IL1RAPL1: variants seen among roughly 807,000 people sequenced by gnomAD.
IL1RAPL1 encodes the protein interleukin-1 receptor accessory protein-like 1.
In IL1RAPL1, 3 loss-of-function variants were observed where a neutral mutation model predicts 48.4. The observed-to-expected ratio is 0.06, with a 90% CI of 0.03 to 0.16. The LOEUF is 0.16. IL1RAPL1 is among the 10% of genes least tolerant of loss of function. IL1RAPL1 has a pLI of 1.00. For synonymous variants in IL1RAPL1, 185 were observed against 187.7 expected, an observed-to-expected ratio of 0.99 and a Z score of 0.12; for missense variants, 349 against 530.6, an observed-to-expected ratio of 0.66 and a Z score of 3.36.
chrX:29,148,622 C>T (rs777902384), intron 2 of IL1RAPL1, among the ~76,000 whole-genome samples: 2 of 112,000 alleles, frequency 1.8e-5, no homozygotes, highest in African/African-American at 6.5e-5. Flanking sequence ...CTTTTACTCT[C>T]TTAGCAAGAT....
intron 6 of IL1RAPL1, among the ~76,000 whole-genome samples, chrX:29,801,042 T>G (rs892934756): frequency 2.3e-3 from 2 of 876 alleles, no homozygotes; most frequent in African/African-American, 4.1e-3. Flanking sequence ...AAACTCTCCG[T>G]CTCAAAAAAA....
chrX:29,575,286 C>G (rs962245503), intron 5 of IL1RAPL1, among the ~76,000 whole-genome samples: 1 of 111,539 alleles, frequency 9.0e-6, no homozygotes, highest in Non-Finnish European at 1.9e-5. Context: ...CACATGAACC[C>G]AAGTCAAAGT....
chrX:29,558,357 C>A (rs1465068313), intron 5 of IL1RAPL1, among the ~76,000 whole-genome samples: 3 of 111,766 alleles, frequency 2.7e-5, no homozygotes, highest in Non-Finnish European at 5.7e-5. Context: ...ATATTAAATT[C>A]TTTAGCCAAT....
intron 7 of IL1RAPL1, among the ~76,000 whole-genome samples, chrX:29,918,144 A>AAATATAT (rs1555935868): frequency 4.2e-4 from 10 of 23,749 alleles, no homozygotes; most frequent in African/African-American, 1.7e-3. Flanking sequence ...AAAAAAAAAA[A>AAATATAT]ATATATATAT....
chrX:29,092,200 T>G (rs1193645556), intron 2 of IL1RAPL1, among the ~76,000 whole-genome samples: 1 of 112,076 alleles, frequency 8.9e-6, no homozygotes, highest in African/African-American at 3.2e-5. Context: ...AAATTGTAAT[T>G]ATTGCTATGC....
chrX:29,589,192 C>T (rs746938152), intron 5 of IL1RAPL1, among the ~76,000 whole-genome samples: 1 of 112,045 alleles, frequency 8.9e-6, no homozygotes, highest in East Asian at 2.8e-4. Context: ...TTTTCCAAGC[C>T]ATTGATTCTC....
chrX:29,740,122 G>GAAA lies in IL1RAPL1; in HGVS notation c.778+71635_778+71637dup, dbSNP rs1172511347. 6.3e-3 allele frequency among the ~76,000 whole-genome samples: 331 copies of GAAA among 52,246 alleles called. 1 individual carries two copies. Among genetic ancestry groups the GAAA allele is most frequent in the Admixed American group, 8.8e-3 (33 of 3,760 alleles). 45.4% of individuals were successfully genotyped at this position (52,246 alleles called of 115,157 possible). A position where few individuals can be genotyped will look rare whatever the true frequency, so the allele number is the denominator to read the frequency against. ...AAAACAACAAAAAAACAAAAAAACA[G>GAAA]AAAAAAAAAAAAAAAAAAAGAAGCA... On this transcript the variant is annotated intron_variant, in intron 6 of 10. Transcript: ENST00000378993.
chrX:29,016,337 ATAATT>A (rs780312421), intron 2 of IL1RAPL1, among the ~76,000 whole-genome samples: 1 of 111,737 alleles, frequency 8.9e-6, no homozygotes, highest in Non-Finnish European at 1.9e-5. Context: ...GACACAGGGA[ATAATT>A]TAATATGTGA....
chrX:28,772,886 C>T (rs192392429), intron 1 of IL1RAPL1, among the ~76,000 whole-genome samples: 10 of 111,551 alleles, frequency 9.0e-5, no homozygotes, highest in Admixed American at 8.6e-4. Flanking sequence ...GTTATACTCA[C>T]TTGTGGAAAA....
At chrX:29,527,069 A>G (rs901260364) in intron 5 of IL1RAPL1, among the ~76,000 whole-genome samples, 1 of 111,689 alleles carries the variant, frequency 9.0e-6, no homozygotes, top group Non-Finnish European at 1.9e-5. Context: ...ATGGAATAAA[A>G]TCAAAAGTCC....
intron 6 of IL1RAPL1, among the ~76,000 whole-genome samples, chrX:29,901,389 C>T (rs1932493447): frequency 9.0e-6 from 1 of 111,713 alleles, no homozygotes; most frequent in Non-Finnish European, 1.9e-5. Flanking sequence ...TTGGAGATGA[C>T]GTATTCAGCA....
chrX:28,823,762 A>C (rs1569180653), intron 2 of IL1RAPL1, among the ~76,000 whole-genome samples: 1 of 111,426 alleles, frequency 9.0e-6, no homozygotes, highest in South Asian at 3.7e-4. Flanking sequence ...CTGTTTCTGT[A>C]ATCACATCTC....
chrX:28,821,103 A>G (rs1232040288), intron 2 of IL1RAPL1, among the ~76,000 whole-genome samples: 3 of 111,716 alleles, frequency 2.7e-5, no homozygotes, highest in African/African-American at 6.5e-5. Context: ...ACTAAAGCCA[A>G]TGCCTGCATT....
chrX:28,872,151 G>C (rs1922222811), intron 2 of IL1RAPL1, among the ~76,000 whole-genome samples: 1 of 106,255 alleles, frequency 9.4e-6, no homozygotes, highest in African/African-American at 3.5e-5. Flanking sequence ...GGGACTACAG[G>C]GGGGAAACCA....
At chrX:29,436,488 G>A (rs769836664) in intron 5 of IL1RAPL1, among the ~76,000 whole-genome samples, 1 of 109,483 alleles carries the variant, frequency 9.1e-6, no homozygotes, top group South Asian at 3.8e-4. Flanking sequence ...AAAGTTTTGA[G>A]GACTTCTGAG....
chrX:29,142,494 A>G (rs1299280701), intron 2 of IL1RAPL1, among the ~76,000 whole-genome samples: 1 of 111,925 alleles, frequency 8.9e-6, no homozygotes, highest in Non-Finnish European at 1.9e-5. Flanking sequence ...AAAGAACCCT[A>G]GTGGACAAAC....
chrX:28,956,910 TA>T (rs1325965681), intron 2 of IL1RAPL1, among the ~76,000 whole-genome samples: 4 of 110,218 alleles, frequency 3.6e-5, no homozygotes, highest in Non-Finnish European at 7.6e-5. Flanking sequence ...TTTTGGTTGG[TA>T]AGCTATTGAT....
chrX:29,119,506 C>A (rs2054837083), intron 2 of IL1RAPL1, among the ~76,000 whole-genome samples: 1 of 111,899 alleles, frequency 8.9e-6, no homozygotes, highest in African/African-American at 3.2e-5. Context: ...TTTCTCAGAT[C>A]TGTCAGACAA....
chrX:28,730,982 A>G lies in IL1RAPL1; in HGVS notation c.-24-58338A>G, dbSNP rs147273014. On this transcript the variant is annotated intron_variant, in intron 1 of 10. Coordinates refer to ENST00000378993, the MANE Select transcript of IL1RAPL1 (RefSeq NM_014271.4). ...CACTTTAAGGGTTGGAAAAATGACA[A>G]CAAGTAGGAAGTGACTCAGATGTAA... Among the ~76,000 whole-genome samples the G allele has an allele frequency of 3.6e-5, 4 of 111,506 alleles. No homozygotes were observed. The East Asian group carries it at 1.1e-3, about 32-fold the overall frequency.
Sources: gnomAD v4.1 joint callset for allele counts (sites outside exome capture counted in the v4.1 genomes callset) on GRCh38, gnomAD v4.1.1 for gene constraint, MANE v1.5 for transcripts, NCBI Gene and HGNC (gene_info 2026-07-23, HGNC 2026-07-21) for gene names.